ERICH1: variants seen among roughly 807,000 people sequenced by gnomAD.
ERICH1 encodes glutamate-rich protein 1.
Under a neutral mutation model 39.6 loss-of-function variants are expected in ERICH1, and 56 were observed. That is an observed-to-expected ratio of 1.41 (90% CI 1.14 to 1.77). The LOEUF is 1.77. Among genes scored for constraint, ERICH1 ranks in the 40% most tolerant of loss-of-function variants. The pLI is 0.00. For missense variants in ERICH1, 826 were observed against 575.4 expected (o/e 1.44, Z -4.45); for synonymous variants, 313 against 223.6 (o/e 1.40, Z -3.57).
exon 4 of ERICH1, chr8:615,100 G>C: frequency 1.7e-6 from 1 of 600,338 alleles, no homozygotes; most frequent in Non-Finnish European, 2.9e-6. Flanking sequence ...CGTCAGCCTT[G>C]CAAAGCTTGC....
intron 3 of ERICH1, among the ~76,000 whole-genome samples, chr8:618,473 C>G (rs1797073194): frequency 6.6e-6 from 1 of 152,200 alleles, no homozygotes; most frequent in African/African-American, 2.4e-5. Context: ...GTGCTTGGTG[C>G]TTGGTTTGTC....
intron 1 of ERICH1, among the ~76,000 whole-genome samples, chr8:726,136 C>T (rs529517990): frequency 6.7e-4 from 102 of 152,186 alleles, no homozygotes; most frequent in Non-Finnish European, 1.3e-3. Context: ...ACCAGACCAA[C>T]GCCATGCTGT....
intron 3 of ERICH1, chr8:656,850 G>A (rs1800726540): frequency 2.0e-6 from 2 of 985,250 alleles, no homozygotes; most frequent in Admixed American, 1.2e-4. Context: ...CCCCCAGCAT[G>A]CTCCAGCCTA....
At chr8:719,184 A>G (rs1451127349) in intron 1 of ERICH1, among the ~76,000 whole-genome samples, 1 of 152,224 alleles carries the variant, frequency 6.6e-6, no homozygotes, top group East Asian at 1.9e-4. Flanking sequence ...GGCCGTTTCA[A>G]CCGTGAAAAC....
In ERICH1 at chr8:708,785, T is replaced by G. The variant is rs139193262; in HGVS notation, c.169+7076A>C. Reference sequence around the variant, plus strand: ...CTTGGCTCACTGAAGTCTTGTCTTCTCAGGCTCAAGTGACCCTCCCACCTC... The same window carrying G: ...CTTGGCTCACTGAAGTCTTGTCTTCGCAGGCTCAAGTGACCCTCCCACCTC... On this transcript the variant is annotated intron_variant, in intron 2 of 5. Transcript: ENST00000262109. Among the ~76,000 whole-genome samples the G allele has an allele frequency of 4.1e-5, 6 of 147,970 alleles. 1 individual carries two copies. In the East Asian group the frequency reaches 1.3e-3, roughly 32 times the overall value.
At chr8:663,720 C>T (rs1281281908), downstream of ERICH1, among the ~76,000 whole-genome samples, 1 of 151,776 alleles carries the variant, frequency 6.6e-6, no homozygotes, top group African/African-American at 2.4e-5. Flanking sequence ...TAGATAGAGG[C>T]ACCTGCCCTC....
intron 2 of ERICH1, among the ~76,000 whole-genome samples, chr8:693,043 T>G (rs1809279208): frequency 6.6e-6 from 1 of 152,066 alleles, no homozygotes; most frequent in African/African-American, 2.4e-5. Context: ...TAACAACATG[T>G]GTACACTGTG....
At chr8:709,139 T>C (rs990054999) in intron 2 of ERICH1, among the ~76,000 whole-genome samples, 1 of 152,230 alleles carries the variant, frequency 6.6e-6, no homozygotes. Context: ...AGGTTACCTT[T>C]CTGGGGTGCA....
chr8:722,644 C>T (rs530559438), intron 1 of ERICH1, among the ~76,000 whole-genome samples: 4 of 152,302 alleles, frequency 2.6e-5, no homozygotes, highest in African/African-American at 9.6e-5. Flanking sequence ...GGGTATGCGA[C>T]TCCTGGTGCT....
In ERICH1 at chr8:645,277, A is replaced by G. The variant is rs1259596600; in HGVS notation, c.976+23321T>C. Among the ~76,000 whole-genome samples the G allele has an allele frequency of 5.8e-5, 4 of 68,812 alleles. 2 individuals carry two copies. The highest frequency in any genetic ancestry group is 1.5e-4 in the African/African-American group (4 of 27,366). 45.1% of individuals were successfully genotyped at this position (68,812 alleles called of 152,430 possible). On this transcript the variant is annotated intron_variant, in intron 3 of 3. Transcript: ENST00000522706. The stretch of plus-strand genomic sequence containing the variant: ...AGGAGACCCAGTCCCCCCCAGAAAC[A>G]TGAGGCCTGCGCCTGGGCCTTGTGG...
chr8:707,905 G>C (rs1236290308), intron 2 of ERICH1, among the ~76,000 whole-genome samples: 1 of 152,176 alleles, frequency 6.6e-6, no homozygotes, highest in African/African-American at 2.4e-5. Flanking sequence ...ATCTGATGAG[G>C]ACTCAGTATG....
chr8:660,815 C>G (rs189122092), downstream of ERICH1, among the ~76,000 whole-genome samples: 672 of 152,296 alleles, frequency 4.4e-3, 19 homozygotes, highest in Admixed American at 0.033. Context: ...CTGCTTCCAC[C>G]TGTGCTCCCT....
At chr8:658,093 G>A (rs1800898623) in intron 3 of ERICH1, among the ~76,000 whole-genome samples, 1 of 152,240 alleles carries the variant, frequency 6.6e-6, no homozygotes, top group African/African-American at 2.4e-5. Flanking sequence ...TCCGGCTGCT[G>A]CTGCCCTTCT....
At chr8:663,981 G>A (rs183484468), downstream of ERICH1, among the ~76,000 whole-genome samples, 2 of 152,128 alleles carry the variant, frequency 1.3e-5, no homozygotes, top group Non-Finnish European at 2.9e-5. Context: ...GGATGCTCTC[G>A]ATCTCCTGAC....
intron 3 of ERICH1, among the ~76,000 whole-genome samples, chr8:657,708 GGAGT>G (rs914874016): frequency 2.0e-5 from 3 of 151,856 alleles, no homozygotes; most frequent in Admixed American, 2.0e-4. Context: ...CTTTTCATCA[GGAGT>G]GAGGGTGGAG....
chr8:630,789 A>T (rs1279921497), intron 3 of ERICH1, among the ~76,000 whole-genome samples: 18 of 108,762 alleles, frequency 1.7e-4, no homozygotes, highest in East Asian at 9.0e-4. Context: ...CAGAGCTGAC[A>T]CACACCCTCC....
chr8:701,249 T>C (rs528703198), intron 2 of ERICH1, among the ~76,000 whole-genome samples: 103 of 147,978 alleles, frequency 7.0e-4, no homozygotes, highest in African/African-American at 2.5e-3. Context: ...GGGTCTACCC[T>C]GCTGGACGGG....
At chr8:715,453 G>A (rs1169180157) in intron 2 of ERICH1, among the ~76,000 whole-genome samples, 1 of 152,194 alleles carries the variant, frequency 6.6e-6, no homozygotes, top group South Asian at 2.1e-4. Flanking sequence ...CAAAGACCAC[G>A]GGACAAGAAC....
rs1801853676 is a variant in ERICH1 at position 664,248 on chromosome 8, G to C, written c.*355C>G. 2.0e-6 allele frequency: 2 copies of C among 998,902 alleles called. No homozygotes were observed. The highest frequency in any genetic ancestry group is 1.7e-5 in the African/African-American group (1 of 57,740). 61.9% of individuals were successfully genotyped at this position (998,902 alleles called of 1,614,324 possible). ...ACCCAGAAAGCATTCTTAAAGCAGA[G>C]ACTTTCAGATACAAGGTGATTCAAA... On this transcript the variant is annotated 3_prime_UTR_variant, in exon 6 of 6. Coordinates refer to ENST00000262109, the MANE Select transcript of ERICH1 (RefSeq NM_207332.3).
Sources: allele counts gnomAD v4.1 joint callset (sites outside exome capture counted in the v4.1 genomes callset), GRCh38; gene constraint gnomAD v4.1.1; transcripts MANE v1.5; gene names NCBI Gene and HGNC (gene_info 2026-07-23, HGNC 2026-07-21).